MAP7: variants seen among roughly 807,000 people sequenced by gnomAD.
The protein encoded by MAP7 is ensconsin.
A neutral mutation model predicts 94.8 loss-of-function variants in MAP7; 52 were observed. That is an observed-to-expected ratio of 0.55 (90% CI 0.44 to 0.69). The LOEUF is 0.69. MAP7 is among the 30% of genes least tolerant of loss of function. The probability of loss-of-function intolerance (pLI) is 0.00; values close to 1 mark genes in which losing one functional copy is unlikely to be tolerated. For synonymous variants in MAP7, 350 were observed against 357.0 expected (o/e 0.98, Z 0.22); for missense variants, 940 against 964.6 (o/e 0.97, Z 0.34).
chr6:136,485,804 C>T lies in MAP7; in HGVS notation c.68-64005G>A, dbSNP rs543904782. 3.3e-5 allele frequency among the ~76,000 whole-genome samples: 5 copies of T among 152,100 alleles called. No homozygotes were observed. The South Asian group carries it at 8.3e-4, about 25-fold the overall frequency. Reference sequence around the variant, plus strand: ...GTCTCGATCTCCTGACCTCGTGATCCGCCCGCCTCGGCCTCCCAAAGTGCT... The same window carrying T: ...GTCTCGATCTCCTGACCTCGTGATCTGCCCGCCTCGGCCTCCCAAAGTGCT... On this transcript the variant is annotated intron_variant, in intron 1 of 17. Transcript: ENST00000354570.
At position 136,356,743 on chromosome 6, in the gene MAP7, A is replaced by G. The variant is rs1433582260; in HGVS notation, c.1964T>C (p.Val655Ala). ...TGAGGTAACCACATGTGGGCTGCCA[A>G]CTGGCTTTCCATTTCCCGGAGCGTT... ...TTNAPGNGKP[V>A]GSPHVVTSHQ... is the part of the protein sequence containing the mutation. The change falls in exon 16 of 18, where the codon GTT becomes GCT. Residue 655 changes from valine to alanine, a missense_variant. By Grantham distance (64) the Val-to-Ala change is moderately conservative. Coordinates refer to ENST00000354570, the MANE Select transcript of MAP7 (RefSeq NM_003980.6). The G allele has an allele frequency of 6.2e-7, 1 of 1,614,192 alleles. No homozygotes were observed. Among genetic ancestry groups the G allele is most frequent in the East Asian group, 2.2e-5 (1 of 44,882 alleles).
intron 8 of MAP7, 132 bp from the exon 9 acceptor site, chr6:136,366,571 T>C (rs577849889): frequency 2.6e-5 from 17 of 641,776 alleles, no homozygotes; most frequent in African/African-American, 2.5e-4. Flanking sequence ...CATATACCCA[T>C]TCCATCTCAA....
chr6:136,519,308 A>G (rs1161351208), intron 1 of MAP7, among the ~76,000 whole-genome samples: 3 of 152,354 alleles, frequency 2.0e-5, no homozygotes, highest in African/African-American at 7.2e-5. Flanking sequence ...CTGTTCTAAA[A>G]TACATTTTTG....
intron 1 of MAP7, among the ~76,000 whole-genome samples, chr6:136,540,694 C>CAA (rs1161016676): frequency 6.6e-6 from 1 of 152,152 alleles, no homozygotes; most frequent in Non-Finnish European, 1.5e-5. Context: ...CCACACACCA[C>CAA]AATAGTCAAA....
chr6:136,473,833 TA>T (rs1344373294), intron 1 of MAP7, among the ~76,000 whole-genome samples: 2 of 152,338 alleles, frequency 1.3e-5, no homozygotes, highest in Non-Finnish European at 2.9e-5. Context: ...GTGATTCATT[TA>T]CTAGTGTCTC....
intron 1 of MAP7, among the ~76,000 whole-genome samples, chr6:136,451,078 T>C (rs974566968): frequency 1.3e-5 from 2 of 152,248 alleles, no homozygotes; most frequent in Non-Finnish European, 2.9e-5. Context: ...TGTCTCCATC[T>C]CTGTACCAGA....
intron 3 of MAP7, among the ~76,000 whole-genome samples, chr6:136,396,037 T>G (rs2128690861): frequency 6.6e-6 from 1 of 152,314 alleles, no homozygotes; most frequent in South Asian, 2.1e-4. Flanking sequence ...AGGATTGCTT[T>G]GACTATTTGG....
chr6:136,356,946 A>C, intron 15 of MAP7, 152 bp from the exon 16 acceptor site: 1 of 615,158 alleles, frequency 1.6e-6, no homozygotes, highest in Non-Finnish European at 2.9e-6. Flanking sequence ...TCTGTGCCTT[A>C]GTTTCCTCAT....
intron 1 of MAP7, chr6:136,466,993 A>G: frequency 4.7e-6 from 5 of 1,075,020 alleles, no homozygotes; most frequent in South Asian, 2.9e-5. Context: ...TTAAACAGTA[A>G]CCGTGTTCAC....
intron 1 of MAP7, among the ~76,000 whole-genome samples, chr6:136,445,683 A>G (rs1799114922): frequency 1.3e-5 from 2 of 152,200 alleles, no homozygotes; most frequent in East Asian, 1.9e-4. Context: ...GGAGTGAGAG[A>G]TCTTGAACTT....
intron 11 of MAP7, 31 bp from the exon 12 acceptor site, chr6:136,361,210 A>C (rs1212291934): frequency 1.3e-6 from 2 of 1,595,598 alleles, no homozygotes; most frequent in Non-Finnish European, 8.5e-7. Context: ...ACCAAAACCA[A>C]AGACACCTGA....
chr6:136,528,490 T>A (rs1414825532), intron 1 of MAP7, among the ~76,000 whole-genome samples: 3 of 152,140 alleles, frequency 2.0e-5, no homozygotes, highest in Non-Finnish European at 4.4e-5. Context: ...TTTCCTCTAC[T>A]TCAAGAGAGT....
chr6:136,501,811 T>C (rs1819908066), intron 1 of MAP7, among the ~76,000 whole-genome samples: 1 of 152,088 alleles, frequency 6.6e-6, no homozygotes, highest in African/African-American at 2.4e-5. Flanking sequence ...GATGAAGCCA[T>C]TAAGTTCCCA....
At position 136,513,703 on chromosome 6, in the gene MAP7, A is replaced by C. The variant is rs889544661; in HGVS notation, c.67+36639T>G. ...ATGACCCCGTATGGCAGAGCACCTC[A>C]ATGTGTACTCAGAAGTGGCCAACCC... is the stretch of plus-strand genomic sequence containing the variant. On this transcript the variant is annotated intron_variant, in intron 1 of 17. Transcript: ENST00000354570. Among the ~76,000 whole-genome samples the C allele has an allele frequency of 2.0e-5, 3 of 152,120 alleles. No homozygotes were observed. The South Asian group carries it at 6.2e-4, about 32-fold the overall frequency.
intron 16 of MAP7, 121 bp downstream of exon 16, chr6:136,356,571 C>A (rs548598375): frequency 1.5e-5 from 11 of 722,430 alleles, no homozygotes; most frequent in East Asian, 2.7e-5. Context: ...ACTAGCTCAA[C>A]CAAAAATCAA....
intron 3 of MAP7, among the ~76,000 whole-genome samples, chr6:136,391,528 G>A (rs572018308): frequency 7.1e-6 from 1 of 140,694 alleles, no homozygotes; most frequent in South Asian, 2.4e-4. Flanking sequence ...ATGTGCACAT[G>A]TACCCTAAAA....
At chr6:136,429,771 A>T (rs1794349873) in intron 1 of MAP7, among the ~76,000 whole-genome samples, 2 of 152,246 alleles carry the variant, frequency 1.3e-5, no homozygotes, top group African/African-American at 2.4e-5. Context: ...TATCTAAAAA[A>T]TAAGTAAATA....
intron 3 of MAP7, among the ~76,000 whole-genome samples, chr6:136,409,688 C>T (rs1786805185): frequency 6.6e-6 from 1 of 152,236 alleles, no homozygotes; most frequent in South Asian, 2.1e-4. Flanking sequence ...TCTACAGGCT[C>T]TCAATGCCCC....
chr6:136,524,075 A>G (rs1346659548), intron 1 of MAP7, among the ~76,000 whole-genome samples: 1 of 151,960 alleles, frequency 6.6e-6, no homozygotes, highest in African/African-American at 2.4e-5. Flanking sequence ...CCCCGTCTCT[A>G]CTAAAAATAC....
Sources: allele counts gnomAD v4.1 joint callset (sites outside exome capture counted in the v4.1 genomes callset), GRCh38; gene constraint gnomAD v4.1.1; transcripts MANE v1.5; gene names NCBI Gene and HGNC (gene_info 2026-07-23, HGNC 2026-07-21).